Variants in CACNA2D1 observed in about 807,000 individuals in gnomAD.
CACNA2D1 encodes the protein calcium voltage-gated channel auxiliary subunit alpha2delta 1.
CACNA2D1 carries 53 observed loss-of-function variants against 171.5 expected under a neutral mutation model. That is an observed-to-expected ratio of 0.31 (90% confidence interval 0.25 to 0.39). The LOEUF (loss-of-function observed/expected upper bound fraction) is 0.39, where lower values mean the gene tolerates loss of function less well. Among genes scored for constraint, CACNA2D1 ranks in the 10% least tolerant of loss-of-function variants. CACNA2D1 has a pLI of 1.00. For missense variants in CACNA2D1, 903 were observed against 1,299.8 expected, an observed-to-expected ratio of 0.69 and a Z score of 4.69; for synonymous variants, 442 against 443.1, an observed-to-expected ratio of 1.00 and a Z score of 0.03.
intron 36 of CACNA2D1, among the ~76,000 whole-genome samples, chr7:81,961,274 T>G (rs1794080477): frequency 1.3e-5 from 2 of 152,026 alleles, no homozygotes; most frequent in South Asian, 2.1e-4. Flanking sequence ...CTACCCTCAT[T>G]ACAACAAAAT....
At chr7:82,311,965 C>A (rs115847343) in intron 3 of CACNA2D1, among the ~76,000 whole-genome samples, 1,761 of 152,096 alleles carry the variant, frequency 0.012, 44 homozygotes, top group African/African-American at 0.04. Flanking sequence ...ATTTTAAGGA[C>A]CTTGAGAAGA....
Position 81,948,265 on chromosome 7 carries a change from C to G in CACNA2D1, c.*2127G>C, listed in dbSNP as rs1195987933. 1 of 151,726 alleles carries G rather than the reference C, an allele frequency of 6.6e-6. No homozygotes were observed. The highest frequency in any genetic ancestry group is 1.5e-5 in the Non-Finnish European group (1 of 67,794). 9.4% of individuals were successfully genotyped at this position (151,726 alleles called of 1,614,324 possible). On this transcript the variant is annotated 3_prime_UTR_variant, in exon 39 of 39. Coordinates refer to ENST00000356860, the MANE Select transcript of CACNA2D1 (RefSeq NM_000722.4). ...TAACTTTTAAATATTTAACAAACAA[C>G]ATGATTAAAACATTGTTACTAGAGT...
chr7:82,188,050 A>G (rs1015691229), intron 3 of CACNA2D1, among the ~76,000 whole-genome samples: 13 of 152,152 alleles, frequency 8.5e-5, no homozygotes, highest in Admixed American at 3.3e-4. Context: ...GCCTCAGATG[A>G]CAGAATTGGT....
chr7:81,987,185 T>A (rs1273945759), intron 21 of CACNA2D1, among the ~76,000 whole-genome samples: 2 of 152,188 alleles, frequency 1.3e-5, no homozygotes, highest in African/African-American at 4.8e-5. Context: ...TAGCTATACT[T>A]AATTTAATTA....
intron 3 of CACNA2D1, among the ~76,000 whole-genome samples, chr7:82,198,589 C>T (rs1799081916): frequency 6.6e-6 from 1 of 151,940 alleles, no homozygotes; most frequent in East Asian, 1.9e-4. Context: ...ACCTAGGTTG[C>T]TATCTAACTT....
intron 1 of CACNA2D1, among the ~76,000 whole-genome samples, chr7:82,354,822 C>G (rs1321883531): frequency 1.3e-5 from 2 of 152,008 alleles, no homozygotes; most frequent in Non-Finnish European, 2.9e-5. Flanking sequence ...GGGCAGATAC[C>G]AGCAGGTGAA....
intron 38 of CACNA2D1, among the ~76,000 whole-genome samples, chr7:81,957,729 A>G (rs1433929741): frequency 6.6e-6 from 1 of 152,152 alleles, no homozygotes; most frequent in Non-Finnish European, 1.5e-5. Context: ...AACACAAGAT[A>G]TTATTAGCAC....
intron 10 of CACNA2D1, among the ~76,000 whole-genome samples, chr7:82,053,778 T>A (rs375323352): frequency 6.8e-4 from 104 of 152,310 alleles, no homozygotes; most frequent in African/African-American, 2.1e-3. Flanking sequence ...AATGGAGGTA[T>A]TTTAATAACT....
At chr7:82,012,040 A>G (rs755195386) in intron 15 of CACNA2D1, 114 bp downstream of exon 15, 3 of 740,414 alleles carry the variant, frequency 4.1e-6, no homozygotes, top group Non-Finnish European at 7.4e-6. Context: ...TGATAGAAGA[A>G]ATTTTGGGGA....
At chr7:82,164,746 G>C (rs926422893) in intron 4 of CACNA2D1, among the ~76,000 whole-genome samples, 1 of 151,918 alleles carries the variant, frequency 6.6e-6, no homozygotes, top group African/African-American at 2.4e-5. Flanking sequence ...ATGGAAATAC[G>C]TATATGGAGT....
At chr7:82,257,991 A>G (rs370791481) in intron 3 of CACNA2D1, among the ~76,000 whole-genome samples, 1 of 152,174 alleles carries the variant, frequency 6.6e-6, no homozygotes, top group Non-Finnish European at 1.5e-5. Context: ...TTGCTGGTGG[A>G]GGGAGACCCC....
intron 4 of CACNA2D1, among the ~76,000 whole-genome samples, chr7:82,150,857 GA>G (rs770179533): frequency 1.3e-5 from 2 of 151,592 alleles, no homozygotes; most frequent in Non-Finnish European, 2.9e-5. Context: ...GTTGCAGAAG[GA>G]AAAAAAATGA....
chr7:81,978,701 G>A (rs1240981186), intron 24 of CACNA2D1, among the ~76,000 whole-genome samples: 1 of 150,130 alleles, frequency 6.7e-6, no homozygotes, highest in Non-Finnish European at 1.5e-5. Flanking sequence ...TAACAAACCT[G>A]TACGTCATGC....
At position 81,949,548 on chromosome 7, in the gene CACNA2D1, C is replaced by G. The variant is rs1792304668; in HGVS notation, c.*844G>C. Reference sequence around the variant, plus strand: ...TTTATCACAAGAAAAACATTTCCCCCTCCCCCCTGACAAGCTTTTCTTAGA... The same window carrying G: ...TTTATCACAAGAAAAACATTTCCCCGTCCCCCCTGACAAGCTTTTCTTAGA... On this transcript the variant is annotated 3_prime_UTR_variant, in exon 39 of 39. Transcript: ENST00000356860. 1 of 151,994 alleles carries G rather than the reference C, an allele frequency of 6.6e-6. No homozygotes were observed. The highest frequency in any genetic ancestry group is 6.6e-5 in the Admixed American group (1 of 15,236). 9.4% of individuals were successfully genotyped at this position (151,994 alleles called of 1,614,324 possible).
chr7:82,185,424 G>C (rs568498681), intron 3 of CACNA2D1, among the ~76,000 whole-genome samples: 219 of 141,288 alleles, frequency 1.6e-3, no homozygotes, highest in African/African-American at 5.5e-3. Context: ...CTATCAATAA[G>C]AAAAATAAAT....
rs1830675649 is a variant in CACNA2D1, at chr7:82,443,530, G to T, written c.-71C>A. ...AGGAGCGGCGCTGGAAACCGCGGGC[G>T]GAGGAAGAGCAGCACACGCCGCCGG... On this transcript the variant is annotated 5_prime_UTR_variant, in exon 1 of 39. Transcript: ENST00000356860. 1.3e-6 allele frequency: 2 copies of T among 1,568,384 alleles called. No individual in the cohort carries two copies. The highest frequency in any genetic ancestry group is 4.8e-5 in the East Asian group (2 of 41,998).
chr7:82,359,997 T>C (rs1374152089), intron 1 of CACNA2D1, among the ~76,000 whole-genome samples: 1 of 152,222 alleles, frequency 6.6e-6, no homozygotes, highest in African/African-American at 2.4e-5. Flanking sequence ...AACTGAGGCA[T>C]AGAGCGGTTA....
At chr7:82,234,931 A>T (rs1803373483) in intron 3 of CACNA2D1, among the ~76,000 whole-genome samples, 1 of 152,162 alleles carries the variant, frequency 6.6e-6, no homozygotes, top group Non-Finnish European at 1.5e-5. Context: ...ATTAAGTATG[A>T]TCGTTTGTGA....
intron 3 of CACNA2D1, among the ~76,000 whole-genome samples, chr7:82,187,957 A>G (rs1287528546): frequency 6.6e-6 from 1 of 152,182 alleles, no homozygotes; most frequent in Non-Finnish European, 1.5e-5. Context: ...GTGGACTTAG[A>G]GACAGACATG....
Sources: gnomAD v4.1 joint callset for allele counts (sites outside exome capture counted in the v4.1 genomes callset) on GRCh38, gnomAD v4.1.1 for gene constraint, MANE v1.5 for transcripts, NCBI Gene and HGNC (gene_info 2026-07-23, HGNC 2026-07-21) for gene names.